The following VPS13B variants were observed in gnomAD, a reference collection of about 807,000 sequenced individuals.
The protein encoded by VPS13B is intermembrane lipid transfer protein VPS13B.
VPS13B carries 285 observed loss-of-function variants against 426.4 expected under a neutral mutation model. The observed-to-expected ratio is 0.67, with a 90% CI of 0.61 to 0.74. The LOEUF (loss-of-function observed/expected upper bound fraction) is 0.74, where lower values mean the gene tolerates loss of function less well. Ranked by LOEUF, VPS13B falls within the 30% of genes least tolerant of loss-of-function variation. VPS13B has a pLI of 0.00. For synonymous variants in VPS13B, 1,676 were observed against 1,676.4 expected (o/e 1.00, Z 0.01); for missense variants, 4,537 against 4,782.6 (o/e 0.95, Z 1.51).
chr8:99,626,627 C>T (rs1233279638), intron 33 of VPS13B, among the ~76,000 whole-genome samples: 1 of 152,120 alleles, frequency 6.6e-6, no homozygotes, highest in East Asian at 1.9e-4. Context: ...AAAATTATAT[C>T]AAGGGTAACA....
chr8:99,063,691 C>T (rs1587984357), intron 3 of VPS13B, among the ~76,000 whole-genome samples: 1 of 152,256 alleles, frequency 6.6e-6, no homozygotes, highest in African/African-American at 2.4e-5. Context: ...TTAAACGTCT[C>T]TGTCTGACAG....
Position 99,103,143 on chromosome 8 carries a change from G to A in VPS13B, c.580+23G>A, listed in dbSNP as rs143367445. Reference sequence around the variant, plus strand: ...CTGGTGAGTAAATATGGAGAATACCGTATATTTTTCCATAATTGAAACAAT... The same window carrying A: ...CTGGTGAGTAAATATGGAGAATACCATATATTTTTCCATAATTGAAACAAT... On this transcript the variant is annotated intron_variant, in intron 5 of 61. Transcript: ENST00000357162. 1,016 of 1,611,724 alleles carry A rather than the reference G, an allele frequency of 6.3e-4. 3 individuals carry two copies. The African/African-American group carries it at 0.011, about 18-fold the overall frequency.
At chr8:99,083,426 T>C (rs1454361487) in intron 3 of VPS13B, among the ~76,000 whole-genome samples, 2 of 152,130 alleles carry the variant, frequency 1.3e-5, no homozygotes, top group African/African-American at 2.4e-5. Flanking sequence ...ACTTCCCCTT[T>C]TCCTAATTGA....
intron 43 of VPS13B, among the ~76,000 whole-genome samples, 184 bp from the exon 44 acceptor site, chr8:99,809,191 G>A (rs1303105593): frequency 1.3e-5 from 2 of 152,174 alleles, no homozygotes; most frequent in Non-Finnish European, 2.9e-5. Context: ...TTGACTCTAT[G>A]TGACATATTT....
chr8:99,515,011 C>T (rs1821981779), intron 29 of VPS13B, among the ~76,000 whole-genome samples: 1 of 152,198 alleles, frequency 6.6e-6, no homozygotes, highest in Admixed American at 6.5e-5. Context: ...ACCTGAGCAG[C>T]TCTGTGGTGA....
At chr8:99,129,363 CAT>C (rs1283894239) in intron 8 of VPS13B, among the ~76,000 whole-genome samples, 1 of 151,222 alleles carries the variant, frequency 6.6e-6, no homozygotes, top group African/African-American at 2.4e-5. Context: ...AAAGTCCTGA[CAT>C]ATAGCCTGGG....
At chr8:99,480,863 G>A (rs1395394789) in intron 24 of VPS13B, among the ~76,000 whole-genome samples, 2 of 152,044 alleles carry the variant, frequency 1.3e-5, no homozygotes, top group African/African-American at 4.8e-5. Context: ...GTCCAGCTGT[G>A]GATTTGCTTA....
chr8:99,667,340 A>G (rs1830528704), intron 35 of VPS13B, among the ~76,000 whole-genome samples: 1 of 152,226 alleles, frequency 6.6e-6, no homozygotes, highest in Admixed American at 6.5e-5. Context: ...TATCAGTCAC[A>G]GTCTTTGAGA....
At chr8:99,091,127 C>T (rs551500135) in intron 3 of VPS13B, among the ~76,000 whole-genome samples, 2 of 152,130 alleles carry the variant, frequency 1.3e-5, no homozygotes, top group South Asian at 2.1e-4. Context: ...TATCATGGGT[C>T]GGGGGCTATG....
chr8:99,421,500 G>A (rs1816371282), intron 21 of VPS13B, among the ~76,000 whole-genome samples: 2 of 152,050 alleles, frequency 1.3e-5, no homozygotes, highest in South Asian at 4.1e-4. Context: ...TAACATAGTG[G>A]TTACAAGGAT....
At chr8:99,504,640 T>C (rs143597169) in intron 27 of VPS13B, among the ~76,000 whole-genome samples, 34 of 152,234 alleles carry the variant, frequency 2.2e-4, no homozygotes, top group African/African-American at 7.7e-4. Context: ...CAGGAGACCA[T>C]GCTGTAAACA....
chr8:99,564,102 G>A (rs1378874777), intron 31 of VPS13B, among the ~76,000 whole-genome samples: 1 of 152,132 alleles, frequency 6.6e-6, no homozygotes, highest in Non-Finnish European at 1.5e-5. Flanking sequence ...GTATGTTGTA[G>A]GGAGTGGGGA....
chr8:99,063,429 G>GT (rs1844306515), intron 3 of VPS13B, among the ~76,000 whole-genome samples: 1 of 152,216 alleles, frequency 6.6e-6, no homozygotes, highest in Non-Finnish European at 1.5e-5. Flanking sequence ...TCCCATGCCT[G>GT]GCTTGGTGGG....
intron 21 of VPS13B, among the ~76,000 whole-genome samples, chr8:99,421,825 G>A (rs1335076625): frequency 1.3e-5 from 2 of 151,952 alleles, no homozygotes; most frequent in Non-Finnish European, 2.9e-5. Flanking sequence ...CTACAGGCAT[G>A]CACCACCATG....
chr8:99,342,399 C>T (rs935301403), intron 19 of VPS13B, among the ~76,000 whole-genome samples: 3 of 152,194 alleles, frequency 2.0e-5, no homozygotes, highest in African/African-American at 7.2e-5. Context: ...TCCATTCCCT[C>T]TCTTCACATC....
intron 61 of VPS13B, 64 bp downstream of exon 61, chr8:99,871,761 C>T (rs911456080): frequency 1.2e-6 from 2 of 1,608,998 alleles, no homozygotes; most frequent in South Asian, 2.2e-5. Context: ...GCAGGCTGGT[C>T]ACTGGTACCT....
At chr8:99,179,402 G>A (rs112197286) in intron 16 of VPS13B, among the ~76,000 whole-genome samples, 105 of 152,100 alleles carry the variant, frequency 6.9e-4, no homozygotes, top group Admixed American at 1.4e-3. Context: ...CTATGGTCTG[G>A]CCCCTGCTTG....
At chr8:99,570,604 T>A (rs1004972202) in intron 31 of VPS13B, among the ~76,000 whole-genome samples, 1 of 152,080 alleles carries the variant, frequency 6.6e-6, no homozygotes, top group African/African-American at 2.4e-5. Flanking sequence ...TTTTAGTAAT[T>A]TTAAGCAAAA....
chr8:99,381,294 C>T (rs1000038741), intron 19 of VPS13B, among the ~76,000 whole-genome samples: 4 of 152,138 alleles, frequency 2.6e-5, no homozygotes, highest in Non-Finnish European at 5.9e-5. Flanking sequence ...TTTCCATTAT[C>T]CAGTCTGCCA....
Sources: gnomAD v4.1 joint callset for allele counts (sites outside exome capture counted in the v4.1 genomes callset) on GRCh38, gnomAD v4.1.1 for gene constraint, MANE v1.5 for transcripts, NCBI Gene and HGNC (gene_info 2026-07-23, HGNC 2026-07-21) for gene names.